TENM1: variants seen among roughly 807,000 people sequenced by gnomAD.
TENM1 encodes teneurin-1.
Under a neutral mutation model 174.8 loss-of-function variants are expected in TENM1, and 35 were observed. That is an observed-to-expected ratio of 0.20 (90% CI 0.15 to 0.27). TENM1 has a LOEUF of 0.27. Among genes scored for constraint, TENM1 ranks in the 10% least tolerant of loss-of-function variants. TENM1 has a pLI of 1.00. For synonymous variants in TENM1, 781 were observed against 798.7 expected, an observed-to-expected ratio of 0.98 and a Z score of 0.37; for missense variants, 1,633 against 2,130.1, an observed-to-expected ratio of 0.77 and a Z score of 4.59.
chrX:124,981,518 G>A, the TENM1 span, among the ~76,000 whole-genome samples: 1 of 111,927 alleles, frequency 8.9e-6, no homozygotes, highest in Admixed American at 9.6e-5. Context: ...TCAAAGGTAT[G>A]TTTCATGCCA....
At chrX:125,193,343 T>C in the TENM1 span, among the ~76,000 whole-genome samples, 2 of 112,474 alleles carry the variant, frequency 1.8e-5, no homozygotes, top group African/African-American at 6.5e-5. Context: ...GCACAGCAAG[T>C]ACTTTGTTGA....
chrX:124,810,509 C>G (rs1176211777), intron 3 of TENM1, among the ~76,000 whole-genome samples: 2 of 110,605 alleles, frequency 1.8e-5, no homozygotes, highest in Non-Finnish European at 3.8e-5. Flanking sequence ...TGAAAGATCT[C>G]CACAATGAAA....
At chrX:125,159,006 C>T in the TENM1 span, among the ~76,000 whole-genome samples, 6 of 110,123 alleles carry the variant, frequency 5.4e-5, no homozygotes, top group South Asian at 1.6e-3. Flanking sequence ...AGCTGTATAG[C>T]AGAGTAAAGG....
At chrX:124,695,160 T>C (rs1385403610) in intron 5 of TENM1, among the ~76,000 whole-genome samples, 1 of 111,073 alleles carries the variant, frequency 9.0e-6, no homozygotes, top group Non-Finnish European at 1.9e-5. Context: ...GAGGGTAGGA[T>C]GGGTATTCGA....
At chrX:125,195,845 T>A in the TENM1 span, among the ~76,000 whole-genome samples, 1 of 110,495 alleles carries the variant, frequency 9.1e-6, no homozygotes, top group Non-Finnish European at 1.9e-5. Context: ...ATATAAAGAA[T>A]TGGCCAGAAT....
At chrX:125,142,334 T>A in the TENM1 span, among the ~76,000 whole-genome samples, 1 of 111,539 alleles carries the variant, frequency 9.0e-6, no homozygotes, top group African/African-American at 3.3e-5. Context: ...CAATGATCGA[T>A]GATTTTAAAA....
At chrX:124,731,571 G>C (rs745940111) in intron 4 of TENM1, among the ~76,000 whole-genome samples, 1 of 111,338 alleles carries the variant, frequency 9.0e-6, no homozygotes, top group Non-Finnish European at 1.9e-5. Context: ...AAATAAACAG[G>C]AAGCATATGG....
chrX:124,601,310 T>C (rs2050020426), intron 11 of TENM1, among the ~76,000 whole-genome samples: 1 of 110,164 alleles, frequency 9.1e-6, no homozygotes, highest in Admixed American at 9.7e-5. Context: ...AACTTTGGAG[T>C]CAAACTTACG....
intron 1 of TENM1, among the ~76,000 whole-genome samples, chrX:124,918,452 T>C (rs1336102690): frequency 1.8e-5 from 2 of 110,511 alleles, no homozygotes; most frequent in Non-Finnish European, 3.8e-5. Context: ...AGTGTTGGGA[T>C]TACAGGCTTG....
chrX:125,006,325 A>C, the TENM1 span, among the ~76,000 whole-genome samples: 2 of 111,852 alleles, frequency 1.8e-5, no homozygotes, highest in Non-Finnish European at 3.8e-5. Context: ...ATTCCCCCTC[A>C]TTAGGCAGGG....
chrX:125,010,687 G>A, the TENM1 span, among the ~76,000 whole-genome samples: 1 of 108,630 alleles, frequency 9.2e-6, no homozygotes, highest in African/African-American at 3.4e-5. Flanking sequence ...GGTGGCGGGT[G>A]CCTGTAGTCC....
At chrX:124,621,405 G>A (rs775899856) in intron 11 of TENM1, among the ~76,000 whole-genome samples, 8 of 111,414 alleles carry the variant, frequency 7.2e-5, no homozygotes, top group Non-Finnish European at 9.4e-5. Flanking sequence ...CCTAGGAGGC[G>A]GAGGTTGCAG....
At chrX:124,697,855 C>A (rs944020105) in intron 5 of TENM1, among the ~76,000 whole-genome samples, 16 of 111,373 alleles carry the variant, frequency 1.4e-4, no homozygotes, top group African/African-American at 5.2e-4. Context: ...GCTACTTTTG[C>A]ATGTAAATTC....
the TENM1 span, among the ~76,000 whole-genome samples, chrX:124,985,232 C>T: frequency 8.9e-6 from 1 of 112,185 alleles, no homozygotes. Context: ...GACTATAATC[C>T]ATTCACTGTA....
chrX:124,901,153 A>C (rs2057656708), intron 1 of TENM1, among the ~76,000 whole-genome samples: 1 of 111,312 alleles, frequency 9.0e-6, no homozygotes. Context: ...TAAGAGTTGA[A>C]CATCAAATTT....
At chrX:124,797,198 T>C (rs1442772843) in intron 3 of TENM1, among the ~76,000 whole-genome samples, 1 of 111,902 alleles carries the variant, frequency 8.9e-6, no homozygotes, top group East Asian at 2.8e-4. Flanking sequence ...TATATAGTAA[T>C]GAGTCAAATG....
intron 11 of TENM1, among the ~76,000 whole-genome samples, chrX:124,610,801 ATAAT>A (rs1402926574): frequency 1.8e-5 from 2 of 111,814 alleles, no homozygotes; most frequent in Admixed American, 9.5e-5. Flanking sequence ...AAATGATATT[ATAAT>A]TAATTATTCT....
chrX:124,689,584 G>A (rs1344212501), intron 5 of TENM1, among the ~76,000 whole-genome samples: 5 of 111,262 alleles, frequency 4.5e-5, no homozygotes, highest in Non-Finnish European at 9.4e-5. Flanking sequence ...AGACAGATTC[G>A]AAGAGTAATG....
At chrX:125,078,933 C>T in the TENM1 span, among the ~76,000 whole-genome samples, 6 of 111,676 alleles carry the variant, frequency 5.4e-5, no homozygotes, top group African/African-American at 1.9e-4. Flanking sequence ...TAACCCATAA[C>T]AACCCTGTAA....
Sources: gnomAD v4.1 joint callset for allele counts (sites outside exome capture counted in the v4.1 genomes callset) on GRCh38, gnomAD v4.1.1 for gene constraint, MANE v1.5 for transcripts, NCBI Gene and HGNC (gene_info 2026-07-23, HGNC 2026-07-21) for gene names.